NFKB1: variants seen among roughly 807,000 people sequenced by gnomAD.
The protein encoded by NFKB1 is nuclear factor kappa B subunit 1.
Under a neutral mutation model 105.1 loss-of-function variants are expected in NFKB1, and 9 were observed. The ratio of observed to expected loss-of-function variants is 0.09; its 90% confidence interval spans 0.05 to 0.15. The LOEUF (loss-of-function observed/expected upper bound fraction) is 0.15, where lower values mean the gene tolerates loss of function less well. NFKB1 is among the 10% of genes least tolerant of loss of function. The pLI is 1.00. For missense variants in NFKB1, 830 were observed against 1,203.7 expected, an observed-to-expected ratio of 0.69 and a Z score of 4.59; for synonymous variants, 440 against 442.2, an observed-to-expected ratio of 1.00 and a Z score of 0.06.
intron 22 of NFKB1, 47 bp downstream of exon 22, chr4:102,612,653 C>G (rs1335597238): frequency 6.5e-7 from 1 of 1,528,446 alleles, no homozygotes; most frequent in Non-Finnish European, 9.0e-7. Context: ...TGACTTTACT[C>G]TGTTAACATC....
chr4:102,567,778 A>G (rs139500554), intron 6 of NFKB1, among the ~76,000 whole-genome samples: 1 of 152,228 alleles, frequency 6.6e-6, no homozygotes, highest in Non-Finnish European at 1.5e-5. Flanking sequence ...AGTAATTTCA[A>G]TCCAAAAGAA....
intron 6 of NFKB1, among the ~76,000 whole-genome samples, chr4:102,567,374 C>T (rs1009172009): frequency 6.6e-6 from 1 of 152,188 alleles, no homozygotes; most frequent in African/African-American, 2.4e-5. Flanking sequence ...CCCTCTTCTA[C>T]TCTTAAAGGT....
chr4:102,534,566 C>T (rs1741516213), intron 4 of NFKB1, among the ~76,000 whole-genome samples: 1 of 152,024 alleles, frequency 6.6e-6, no homozygotes. Flanking sequence ...TTGGATGGGA[C>T]CAATGCTGTG....
chr4:102,513,273 G>A (rs1002189987), intron 1 of NFKB1, among the ~76,000 whole-genome samples: 5 of 152,126 alleles, frequency 3.3e-5, no homozygotes, highest in African/African-American at 1.2e-4. Flanking sequence ...TCTCAGGAGT[G>A]ACTTTAATTA....
chr4:102,515,104 A>AATT (rs1740051042), intron 1 of NFKB1, among the ~76,000 whole-genome samples: 1 of 113,508 alleles, frequency 8.8e-6, no homozygotes, highest in Non-Finnish European at 1.8e-5. Flanking sequence ...TATTATTATT[A>AATT]TTATTTTTTT....
At chr4:102,593,904 TATC>T (rs1159205388) in intron 12 of NFKB1, among the ~76,000 whole-genome samples, 2 of 152,174 alleles carry the variant, frequency 1.3e-5, no homozygotes, top group African/African-American at 4.8e-5. Context: ...GATTGTATAT[TATC>T]ATACTACAAT....
At chr4:102,577,141 C>G in intron 7 of NFKB1, 102 bp downstream of exon 7, 2 of 1,208,268 alleles carry the variant, frequency 1.7e-6, no homozygotes, top group Non-Finnish European at 1.1e-6. Flanking sequence ...GTCTCTACCC[C>G]ACACTGCTGT....
rs1284376021 is a variant in NFKB1 at position 102,609,177 on chromosome 4, G to GAA, written c.2228-1396_2228-1395dup. On this transcript the variant is annotated intron_variant, in intron 19 of 23. Coordinates refer to ENST00000226574, the MANE Select transcript of NFKB1 (RefSeq NM_003998.4). ...CTGTCTCAAAAAAAAAAAAGAAAAA[G>GAA]AAAGAAACTATAACCCTTTTAAAAA... Among the ~76,000 whole-genome samples the GAA allele has an allele frequency of 5.3e-5, 6 of 112,182 alleles. No homozygotes were observed. The South Asian group carries it at 1.4e-3, about 27-fold the overall frequency. The allele number at this position is 112,182 out of a possible 152,430, so 73.6% of individuals were successfully genotyped here. A position where few individuals can be genotyped will look rare whatever the true frequency, so the allele number is the denominator to read the frequency against.
chr4:102,561,459 C>G (rs113795942), intron 5 of NFKB1, among the ~76,000 whole-genome samples: 2 of 152,156 alleles, frequency 1.3e-5, no homozygotes, highest in African/African-American at 4.8e-5. Context: ...CCAGCAAAGC[C>G]AAACAAACAA....
chr4:102,526,003 A>G (rs1740885159), intron 2 of NFKB1, among the ~76,000 whole-genome samples: 1 of 152,032 alleles, frequency 6.6e-6, no homozygotes, highest in Non-Finnish European at 1.5e-5. Flanking sequence ...CTTGGCTTGT[A>G]GCTTTATCGC....
chr4:102,547,567 T>G (rs957695736), intron 5 of NFKB1, among the ~76,000 whole-genome samples: 2 of 152,182 alleles, frequency 1.3e-5, no homozygotes, highest in Admixed American at 6.6e-5. Context: ...TCTATGAAAC[T>G]GAAAAAATAA....
intron 5 of NFKB1, among the ~76,000 whole-genome samples, chr4:102,556,114 CCAAGATGAAAAGA>C (rs1202323830): frequency 1.3e-5 from 2 of 152,112 alleles, no homozygotes; most frequent in Non-Finnish European, 2.9e-5. Flanking sequence ...AGAGAGGAAT[CCAAGATGAAAAGA>C]CGATTTTGCT....
At chr4:102,559,954 AAG>A (rs1723274882) in intron 5 of NFKB1, among the ~76,000 whole-genome samples, 1 of 148,872 alleles carries the variant, frequency 6.7e-6, no homozygotes, top group African/African-American at 2.6e-5. Context: ...AAAAAAAAAA[AAG>A]AAAGAAAGAA....
intron 1 of NFKB1, among the ~76,000 whole-genome samples, chr4:102,509,980 T>A (rs1315598743): frequency 1.3e-5 from 2 of 152,154 alleles, no homozygotes; most frequent in African/African-American, 4.8e-5. Context: ...CCTCCGGTGT[T>A]CCCCAACCAT....
At chr4:102,583,125 A>G (rs116639501) in intron 10 of NFKB1, among the ~76,000 whole-genome samples, 168 bp downstream of exon 10, 100 of 152,270 alleles carry the variant, frequency 6.6e-4, no homozygotes, top group Admixed American at 1.4e-3. Context: ...GACTACAGGC[A>G]TGCTACCATG....
At chr4:102,589,790 A>G (rs1032581266) in intron 11 of NFKB1, among the ~76,000 whole-genome samples, 2 of 152,182 alleles carry the variant, frequency 1.3e-5, no homozygotes, top group Non-Finnish European at 2.9e-5. Context: ...AAAAAACGAA[A>G]TAAAACCTCC....
chr4:102,571,876 A>G (rs1418501402), intron 6 of NFKB1, among the ~76,000 whole-genome samples: 2 of 152,208 alleles, frequency 1.3e-5, no homozygotes, highest in Non-Finnish European at 1.5e-5. Flanking sequence ...ACACTTTTAC[A>G]CTGTTGGTGG....
At chr4:102,558,098 C>T (rs915821391) in intron 5 of NFKB1, among the ~76,000 whole-genome samples, 1 of 146,204 alleles carries the variant, frequency 6.8e-6, no homozygotes, top group Non-Finnish European at 1.5e-5. Flanking sequence ...CATAGGTAGA[C>T]GTGTCATGGG....
intron 11 of NFKB1, among the ~76,000 whole-genome samples, chr4:102,591,636 G>C (rs1726187391): frequency 6.6e-6 from 1 of 151,852 alleles, no homozygotes; most frequent in African/African-American, 2.4e-5. Flanking sequence ...TAAACCCACT[G>C]TTGAGACCTA....
Sources: gnomAD v4.1 joint callset for allele counts (sites outside exome capture counted in the v4.1 genomes callset) on GRCh38, gnomAD v4.1.1 for gene constraint, MANE v1.5 for transcripts, NCBI Gene and HGNC (gene_info 2026-07-23, HGNC 2026-07-21) for gene names.